The following CXADR variants were observed in gnomAD, a reference collection of about 807,000 sequenced individuals.
CXADR encodes CXADR cell adhesion molecule.
In CXADR, 20 loss-of-function variants were observed where a neutral mutation model predicts 40.3. The ratio of observed to expected loss-of-function variants is 0.50; its 90% confidence interval spans 0.35 to 0.72. The LOEUF (loss-of-function observed/expected upper bound fraction) is 0.72, where lower values mean the gene tolerates loss of function less well. Among genes scored for constraint, CXADR ranks in the 30% least tolerant of loss-of-function variants. CXADR has a pLI of 0.01. For synonymous variants in CXADR, 150 were observed against 161.3 expected, an observed-to-expected ratio of 0.93 and a Z score of 0.53; for missense variants, 332 against 449.1, an observed-to-expected ratio of 0.74 and a Z score of 2.36.
chr21:17,574,834 T>A (rs1020119222), downstream of CXADR, among the ~76,000 whole-genome samples: 12 of 152,142 alleles, frequency 7.9e-5, no homozygotes, highest in African/African-American at 2.7e-4. Flanking sequence ...GTTGAATAGA[T>A]ACCTAGATGT....
chr21:17,575,482 C>T (rs900602530), intron 7 of CXADR, among the ~76,000 whole-genome samples: 7 of 121,044 alleles, frequency 5.8e-5, no homozygotes, highest in African/African-American at 1.8e-4. Context: ...TGCCTGTCCT[C>T]AATTGTAAAA....
chr21:17,547,817 A>G (rs946312958), intron 2 of CXADR, among the ~76,000 whole-genome samples: 1 of 152,158 alleles, frequency 6.6e-6, no homozygotes, highest in Non-Finnish European at 1.5e-5. Context: ...TCTTTAGAGC[A>G]AAAAACAATC....
At chr21:17,532,120 A>G (rs972258110) in intron 1 of CXADR, among the ~76,000 whole-genome samples, 2 of 151,762 alleles carry the variant, frequency 1.3e-5, no homozygotes, top group South Asian at 2.1e-4. Flanking sequence ...TTTTTTAGAG[A>G]TGGTGCCTTC....
chr21:17,530,050 G>A (rs2060651301), intron 1 of CXADR, among the ~76,000 whole-genome samples: 2 of 150,038 alleles, frequency 1.3e-5, no homozygotes, highest in Admixed American at 1.3e-4. Flanking sequence ...CTGGGTTCAA[G>A]CGATTCTCTT....
At chr21:17,593,374 C>A (rs1225331466) in exon 8 of CXADR, 3 of 470,738 alleles carry the variant, frequency 6.4e-6, no homozygotes, top group East Asian at 3.8e-5. Context: ...AAAATTAGTA[C>A]GAGCCAAATT....
At chr21:17,565,385 G>A (rs746531270) in intron 6 of CXADR, 43 bp from the exon 7 acceptor site, 2 of 1,589,922 alleles carry the variant, frequency 1.3e-6, no homozygotes, top group Admixed American at 3.5e-5. Context: ...TAGGTTTTTA[G>A]AAACTTATTC....
chr21:17,615,499 G>C, the CXADR span, among the ~76,000 whole-genome samples: 1 of 152,146 alleles, frequency 6.6e-6, no homozygotes, highest in Admixed American at 6.5e-5. Context: ...GGAACAGTAA[G>C]AGATTAACAA....
At chr21:17,584,884 C>T (rs1241993354) in intron 7 of CXADR, among the ~76,000 whole-genome samples, 1 of 152,178 alleles carries the variant, frequency 6.6e-6, no homozygotes, top group Non-Finnish European at 1.5e-5. Flanking sequence ...TTTCATGTTA[C>T]AGTCTCTTTA....
the CXADR span, among the ~76,000 whole-genome samples, chr21:17,606,294 TCAA>T: frequency 2.0e-5 from 3 of 152,130 alleles, no homozygotes; most frequent in South Asian, 6.2e-4. Flanking sequence ...GATCTAGGGT[TCAA>T]ATCCAGGCCA....
chr21:17,573,471 G>T (rs968405347), downstream of CXADR, among the ~76,000 whole-genome samples: 1 of 152,152 alleles, frequency 6.6e-6, no homozygotes, highest in Non-Finnish European at 1.5e-5. Context: ...CATAATAACA[G>T]TATCAACACC....
chr21:17,631,928 C>T, the CXADR span, among the ~76,000 whole-genome samples: 1 of 152,292 alleles, frequency 6.6e-6, no homozygotes, highest in East Asian at 1.9e-4. Context: ...CGTTCCACCT[C>T]AGCCTCCTGA....
chr21:17,600,830 T>C, the CXADR span, among the ~76,000 whole-genome samples: 1 of 152,168 alleles, frequency 6.6e-6, no homozygotes, highest in Non-Finnish European at 1.5e-5. Flanking sequence ...ATATAGTACA[T>C]AACTTCGCTT....
At chr21:17,575,052 A>ATAC (rs1569149899), downstream of CXADR, among the ~76,000 whole-genome samples, 5 of 20,966 alleles carry the variant, frequency 2.4e-4, no homozygotes, top group East Asian at 1.1e-3. Context: ...TACATACATA[A>ATAC]GGGTTGATAT....
chr21:17,536,958 A>G (rs938989829), intron 1 of CXADR, among the ~76,000 whole-genome samples: 2 of 152,016 alleles, frequency 1.3e-5, no homozygotes, highest in South Asian at 4.2e-4. Context: ...CGGTTTCACC[A>G]TGTTGGCCAG....
downstream of CXADR, among the ~76,000 whole-genome samples, chr21:17,574,178 T>A (rs2061301691): frequency 6.6e-6 from 1 of 152,218 alleles, no homozygotes; most frequent in Non-Finnish European, 1.5e-5. Context: ...TCCCAGTTTC[T>A]GTCCCCACTT....
rs1288784516 is a variant in CXADR, at chr21:17,559,693, C to T, written c.571+562C>T. Among the ~76,000 whole-genome samples, 15 of 113,356 alleles carry T rather than the reference C, an allele frequency of 1.3e-4. 1 individual carries two copies. The South Asian group carries it at 3.0e-3, about 23-fold the overall frequency. 74.4% of individuals were successfully genotyped at this position (113,356 alleles called of 152,430 possible). A position where few individuals can be genotyped will look rare whatever the true frequency, so the allele number is the denominator to read the frequency against. On this transcript the variant is annotated intron_variant, in intron 4 of 6. Transcript: ENST00000284878. ...GGTTTTTTTTTTTTTTTTTTTTTTC[C>T]GAGACAAGGGGTCTCGCTCTGTCAC...
Position 17,547,180 on chromosome 21 carries a change from A to G in CXADR, c.197A>G (p.Lys66Arg). ...CTGATATCACCAGCTGATAATCAGA[A>G]GGTGGATCAAGTGGTAAGTTTGATA... ...EWLISPADNQ[K>R]VDQVIILYSG... is the part of the protein sequence containing the mutation. The change falls in exon 2 of 7, where the codon AAG becomes AGG. Residue 66 changes from lysine (K) to arginine (R), a missense_variant. Lys to Arg is a conservative substitution (Grantham distance 26). This residue lies in a region of CXADR where 162 missense variants were observed against 198.5 expected (regional missense o/e 0.82). Transcript: ENST00000284878. The G allele has an allele frequency of 1.2e-6, 2 of 1,614,184 alleles. No individual in the cohort carries two copies. Among genetic ancestry groups the G allele is most frequent in the Non-Finnish European group, 1.7e-6 (2 of 1,180,032 alleles).
chr21:17,535,542 C>A (rs879664613), intron 1 of CXADR, among the ~76,000 whole-genome samples: 3 of 152,112 alleles, frequency 2.0e-5, no homozygotes, highest in Admixed American at 6.6e-5. Context: ...TCGAATTCAG[C>A]ATTCACATTC....
intron 1 of CXADR, chr21:17,518,858 C>T (rs768387101): frequency 3.9e-5 from 61 of 1,561,548 alleles, no homozygotes; most frequent in Non-Finnish European, 5.0e-5. Flanking sequence ...TTATTCACAG[C>T]CAGTTTTTTT....
Sources: allele counts gnomAD v4.1 joint callset (sites outside exome capture counted in the v4.1 genomes callset), GRCh38; gene constraint gnomAD v4.1.1; regional missense constraint gnomAD v4.1.1; transcripts MANE v1.5; gene names NCBI Gene and HGNC (gene_info 2026-07-23, HGNC 2026-07-21).